The following TERT variants were observed in gnomAD, a reference collection of about 807,000 sequenced individuals.
The protein encoded by TERT is telomerase reverse transcriptase, also known as telomerase catalytic subunit.
A neutral mutation model predicts 104.0 loss-of-function variants in TERT; 42 were observed. The ratio of observed to expected loss-of-function variants is 0.40; its 90% CI spans 0.32 to 0.52. TERT has a LOEUF of 0.52. Among genes scored for constraint, TERT ranks in the 20% least tolerant of loss-of-function variants. TERT has a pLI of 0.43. For synonymous variants in TERT, 781 were observed against 725.6 expected, an observed-to-expected ratio of 1.08 and a Z score of -1.23; for missense variants, 1,101 against 1,610.3, an observed-to-expected ratio of 0.68 and a Z score of 5.41.
At chr5:1,281,397 G>T (rs1210161370) in intron 3 of TERT, among the ~76,000 whole-genome samples, 1 of 152,156 alleles carries the variant, frequency 6.6e-6, no homozygotes, top group African/African-American at 2.4e-5. Context: ...GTGTCACAAG[G>T]CCCCCCAGGG....
Position 1,260,424 on chromosome 5 carries a change from G to A in TERT, c.2970+50C>T, listed in dbSNP as rs77339271. On this transcript the variant is annotated intron_variant, in intron 12 of 15. Coordinates refer to ENST00000310581, the MANE Select transcript of TERT (RefSeq NM_198253.3). ...CGCACACACACACACACATACTTGCGCACACACCTCCTGAACTCTGAACTC... is the reference window on the plus strand; with the variant it reads ...CGCACACACACACACACATACTTGCACACACACCTCCTGAACTCTGAACTC... The A allele has an allele frequency of 2.9e-3, 4,698 of 1,611,418 alleles. 14 individuals carry two copies. The highest frequency in any genetic ancestry group is 3.3e-3 in the South Asian group (302 of 90,720).
At chr5:1,277,562 G>A (rs1447814986) in intron 6 of TERT, among the ~76,000 whole-genome samples, 3 of 151,012 alleles carry the variant, frequency 2.0e-5, no homozygotes, top group East Asian at 3.9e-4. Flanking sequence ...AGGTCGGAAC[G>A]AGGGTCACGG....
intron 2 of TERT, among the ~76,000 whole-genome samples, chr5:1,290,322 C>T (rs1230093394): frequency 1.1e-4 from 7 of 64,446 alleles, no homozygotes; most frequent in African/African-American, 6.1e-4. Flanking sequence ...TCACCCTACA[C>T]GTGACAGGGA....
chr5:1,254,453 C>T lies in TERT; in HGVS notation c.3210G>A (p.Val1070=), dbSNP rs962079602. 1 of 1,612,912 alleles carries T rather than the reference C, an allele frequency of 6.2e-7. No homozygotes were observed. Among genetic ancestry groups the T allele is most frequent in the African/African-American group, 1.3e-5 (1 of 74,904 alleles). ...GAAGPLPSEA[V]QWLCHQAFLL... ...GGAATGCTTGGTGGCACAGCCACTG[C>T]ACGGCCTCGGAGGGCAGAGGGCCGG... Residue 1070 remains valine, a synonymous_variant, in exon 15 of 16, where the codon GTG becomes GTA. Coordinates refer to ENST00000310581, the MANE Select transcript of TERT (RefSeq NM_198253.3).
rs1449831852 is a variant in TERT, at chr5:1,270,686, G to A, written c.2468+433C>T. On this transcript the variant is annotated intron_variant, in intron 8 of 15. Transcript: ENST00000310581. The surrounding 1 kb of genome is among the most constrained non-coding windows in gnomAD (Gnocchi z 8.3). ...GCCCGCGCCCTCGCGGGGGTCACAC[G>A]ACAGGGACAGGAATGAGAATCGGAT... Among the ~76,000 whole-genome samples, 3 of 152,248 alleles carry A rather than the reference G, an allele frequency of 2.0e-5. No individual in the cohort carries two copies. Among genetic ancestry groups the A allele is most frequent in the Non-Finnish European group, 4.4e-5 (3 of 68,044 alleles).
intron 2 of TERT, among the ~76,000 whole-genome samples, chr5:1,289,898 TGC>T (rs1491488443): frequency 5.5e-5 from 4 of 72,976 alleles, no homozygotes; most frequent in Non-Finnish European, 1.0e-4. Flanking sequence ...TCACTCACCC[TGC>T]ACGTGACAGG....
At chr5:1,276,020 A>G (rs1313732827) in intron 6 of TERT, among the ~76,000 whole-genome samples, 4 of 144,478 alleles carry the variant, frequency 2.8e-5, no homozygotes, top group African/African-American at 7.7e-5. Context: ...CCCACACATG[A>G]AAACCAATCC....
chr5:1,267,544 T>C (rs35359768), intron 9 of TERT, among the ~76,000 whole-genome samples: 2,116 of 152,356 alleles, frequency 0.014, 59 homozygotes, highest in African/African-American at 0.049. Context: ...CGTATGTTTA[T>C]TGCGGCACTA....
chr5:1,260,400 GCACA>G (rs140610549), intron 12 of TERT, 70 bp downstream of exon 12: 23 of 1,490,046 alleles, frequency 1.5e-5, no homozygotes, highest in Admixed American at 5.3e-5. Context: ...AGGCACGCGC[GCACA>G]CACACACACA....
rs374592280 is a variant in TERT, at chr5:1,272,266, T to C, written c.2301A>G (p.Thr767=). ...ACTGTCGCATGTACGGCTGGAGGTC[T>C]GTCAAGGTAGAGACCTGCCGGCAGA... ...KAFKSHVSTL[T]DLQPYMRQFV... The change falls in exon 7 of 16, where the codon ACA becomes ACG. Residue 767 remains threonine, a synonymous_variant. Coordinates refer to ENST00000310581, the MANE Select transcript of TERT (RefSeq NM_198253.3). 4.9e-5 allele frequency: 79 copies of C among 1,611,784 alleles called. No individual in the cohort carries two copies. The highest frequency in any genetic ancestry group is 6.4e-5 in the Non-Finnish European group (76 of 1,179,566).
chr5:1,260,115 C>T (rs960499191), intron 12 of TERT, among the ~76,000 whole-genome samples: 4 of 152,156 alleles, frequency 2.6e-5, no homozygotes, highest in Non-Finnish European at 4.4e-5. Context: ...GAGGACCTAG[C>T]GGGGTGAACA....
rs1264654371 is a variant in TERT at position 1,255,787 on chromosome 5, TATC to T, written c.3033-379_3033-377del. On this transcript the variant is annotated intron_variant, in intron 13 of 15. Coordinates refer to ENST00000310581, the MANE Select transcript of TERT (RefSeq NM_198253.3). The surrounding 1 kb of genome is among the most constrained non-coding windows in gnomAD (Gnocchi z 6.9). ...TGTTCCTTGTGTACCAGCAGGTACT[TATC>T]ATGAATCCTGCCCTTCGTCAGACAA... Among the ~76,000 whole-genome samples, 3 of 152,140 alleles carry T rather than the reference TATC, an allele frequency of 2.0e-5. No individual in the cohort carries two copies. The highest frequency in any genetic ancestry group is 4.4e-5 in the Non-Finnish European group (3 of 68,016).
chr5:1,283,007 GT>G (rs1317321522), intron 2 of TERT: 15 of 345,870 alleles, frequency 4.3e-5, no homozygotes, highest in African/African-American at 9.6e-5. Context: ...TGCACCATCC[GT>G]ACACTGCACA....
At chr5:1,285,373 G>A (rs919467689) in intron 2 of TERT, among the ~76,000 whole-genome samples, 14 of 152,286 alleles carry the variant, frequency 9.2e-5, no homozygotes, top group Admixed American at 5.9e-4. Context: ...GGTCCAGGCC[G>A]AGATGGCCAC....
In TERT at chr5:1,258,342, G is replaced by A. The variant is rs140047785; in HGVS notation, c.3032+256C>T. Among the ~76,000 whole-genome samples, 257 of 152,338 alleles carry A rather than the reference G, an allele frequency of 1.7e-3. 1 individual carries two copies. Among genetic ancestry groups the A allele is most frequent in the African/African-American group, 6.0e-3 (248 of 41,574 alleles). ...GCTGCCCTGGGATGGCCTCCATGAC[G>A]TCCCACGGCCAGTGCACAGGCACAG... On this transcript the variant is annotated intron_variant, in intron 13 of 15. Transcript: ENST00000310581.
chr5:1,275,824 A>C (rs111376357), intron 6 of TERT, among the ~76,000 whole-genome samples: 3 of 107,776 alleles, frequency 2.8e-5, no homozygotes, highest in Admixed American at 2.7e-4. Flanking sequence ...CCTACCCCAC[A>C]CATGAAAACC....
At position 1,286,162 on chromosome 5, in the gene TERT, C is replaced by T. The variant is rs1288572698; in HGVS notation, c.1574-3538G>A. Among the ~76,000 whole-genome samples, 1 of 152,158 alleles carries T rather than the reference C, an allele frequency of 6.6e-6. No individual in the cohort carries two copies. Among genetic ancestry groups the T allele is most frequent in the African/African-American group, 2.4e-5 (1 of 41,442 alleles). Reference sequence around the variant, plus strand: ...CTGGCCACGTGGTGCTCCAGACACTCACGGGCCAAGATGACCGCCCTCCTC... The same window carrying T: ...CTGGCCACGTGGTGCTCCAGACACTTACGGGCCAAGATGACCGCCCTCCTC... On this transcript the variant is annotated intron_variant, in intron 2 of 15. Coordinates refer to ENST00000310581, the MANE Select transcript of TERT (RefSeq NM_198253.3). The surrounding 1 kb of genome is among the most constrained non-coding windows in gnomAD (Gnocchi z 5.3).
chr5:1,260,520 A>G lies in TERT; in HGVS notation c.2924T>C (p.Phe975Ser). The G allele has an allele frequency of 6.2e-7, 1 of 1,614,116 alleles. No individual in the cohort carries two copies. Among genetic ancestry groups the G allele is most frequent in the Non-Finnish European group, 8.5e-7 (1 of 1,180,000 alleles). The change falls in exon 12 of 16, where the codon TTT becomes TCT. Residue 975 changes from phenylalanine to serine, a missense_variant. This residue lies in a region of TERT where 463 missense variants were observed against 797.5 expected (regional missense o/e 0.58). Transcript: ENST00000310581. Reference sequence around the variant, plus strand: ...GTGACACTTCAGCCGCAAGACCCCAAAGAGTTTGCGACGCATGTTCCTCCC... The same window carrying G: ...GTGACACTTCAGCCGCAAGACCCCAGAGAGTTTGCGACGCATGTTCCTCCC... ...KAGRNMRRKL[F>S]GVLRLKCHSL...
Position 1,255,746 on chromosome 5 carries a change from T to C in TERT, c.3033-335A>G, listed in dbSNP as rs530906003. Among the ~76,000 whole-genome samples the C allele has an allele frequency of 8.5e-5, 13 of 152,230 alleles. No individual in the cohort carries two copies. Among genetic ancestry groups the C allele is most frequent in the African/African-American group, 3.1e-4 (13 of 41,546 alleles). Reference sequence around the variant, plus strand: ...CCCTGTTCCGGGAAGGCCTCTAAGGTTTCCAGTTTATCCATTGTTCCTTGT... The same window carrying C: ...CCCTGTTCCGGGAAGGCCTCTAAGGCTTCCAGTTTATCCATTGTTCCTTGT... On this transcript the variant is annotated intron_variant, in intron 13 of 15. Coordinates refer to ENST00000310581, the MANE Select transcript of TERT (RefSeq NM_198253.3). This position sits in a 1 kb window ranked among gnomAD's most constrained non-coding sequence, Gnocchi z 6.9.
Sources: gnomAD v4.1 joint callset for allele counts (sites outside exome capture counted in the v4.1 genomes callset) on GRCh38, gnomAD v4.1.1 for gene constraint, gnomAD v4.1.1 regional missense constraint, Gnocchi (gnomAD v3.1) non-coding constraint, MANE v1.5 for transcripts, NCBI Gene and HGNC (gene_info 2026-07-23, HGNC 2026-07-21) for gene names.